TMEM72: variants seen among roughly 807,000 people sequenced by gnomAD.
The protein encoded by TMEM72 is kidney-specific secretory protein of 37 kDa.
A neutral mutation model predicts 16.3 loss-of-function variants in TMEM72; 9 were observed. That is an observed-to-expected ratio of 0.55 (90% confidence interval 0.33 to 0.96). TMEM72 has a LOEUF of 0.96. Among genes scored for constraint, TMEM72 ranks in the 40% least tolerant of loss-of-function variants. The probability of loss-of-function intolerance (pLI) is 0.03; values close to 1 mark genes in which losing one functional copy is unlikely to be tolerated. For synonymous variants in TMEM72, 160 were observed against 146.5 expected (o/e 1.09, Z -0.66); for missense variants, 324 against 337.8 (o/e 0.96, Z 0.32).
At chr10:44,925,508 A>C (rs1236363539) in intron 1 of TMEM72, among the ~76,000 whole-genome samples, 3 of 152,214 alleles carry the variant, frequency 2.0e-5, no homozygotes, top group Non-Finnish European at 2.9e-5. Flanking sequence ...GGCAGGAAGC[A>C]CTTCTTCCCC....
intron 1 of TMEM72, among the ~76,000 whole-genome samples, chr10:44,923,884 G>A (rs1352494566): frequency 1.3e-5 from 2 of 152,184 alleles, no homozygotes; most frequent in African/African-American, 2.4e-5. Flanking sequence ...CTGTGCCACT[G>A]GACAGTAAAG....
At chr10:44,929,912 A>T (rs1213425419) in intron 2 of TMEM72, among the ~76,000 whole-genome samples, 1 of 152,226 alleles carries the variant, frequency 6.6e-6, no homozygotes, top group Non-Finnish European at 1.5e-5. Flanking sequence ...GCTGGCTGGC[A>T]GTGACTTCTC....
At position 44,933,781 on chromosome 10, in the gene TMEM72, GAGCAC is replaced by G; in HGVS notation, c.349+8_349+12del. ...TCTGGCACGTGACCATCCCAGGTAA[GAGCAC>G]AGGGGTAGAGATATGCAGCCCCAGC... On this transcript the variant is annotated splice_donor_region_variant and intron_variant, in intron 4 of 4. Coordinates refer to ENST00000389583, the MANE Select transcript of TMEM72 (RefSeq NM_001123376.3). The G allele has an allele frequency of 1.9e-6, 3 of 1,612,582 alleles. No homozygotes were observed. In the South Asian group the frequency reaches 3.3e-5, roughly 18 times the overall value.
chr10:44,911,638 T>G (rs1484316354), intron 1 of TMEM72, 56 bp downstream of exon 1: 1 of 1,538,050 alleles, frequency 6.5e-7, no homozygotes, highest in Non-Finnish European at 8.8e-7. Flanking sequence ...CAGATAGGGC[T>G]GCCTGAGGGG....
chr10:44,934,538 G>A (rs181113259), intron 4 of TMEM72, 118 bp from the exon 5 acceptor site: 2 of 1,010,274 alleles, frequency 2.0e-6, no homozygotes, highest in East Asian at 2.6e-5. Context: ...GGGCCACAGG[G>A]GCCTGTGAAT....
chr10:44,920,664 C>T (rs994212918), intron 1 of TMEM72, among the ~76,000 whole-genome samples: 3 of 152,140 alleles, frequency 2.0e-5, no homozygotes, highest in Admixed American at 2.0e-4. Context: ...CCTCTCCTTC[C>T]ACTGGAGAAT....
chr10:44,911,662 G>C, intron 1 of TMEM72, 80 bp downstream of exon 1: 3 of 1,479,536 alleles, frequency 2.0e-6, no homozygotes, highest in Non-Finnish European at 1.8e-6. Context: ...GAGGTGGCCA[G>C]GAGACAGCAG....
At chr10:44,918,693 T>C (rs992075742) in intron 1 of TMEM72, among the ~76,000 whole-genome samples, 5 of 152,200 alleles carry the variant, frequency 3.3e-5, no homozygotes, top group African/African-American at 1.2e-4. Context: ...TAACTTACCA[T>C]GTGTTATGGA....
rs150991526 is a variant in TMEM72 at position 44,923,939 on chromosome 10, C to T, written c.71-3982C>T. On this transcript the variant is annotated intron_variant, in intron 1 of 4. Coordinates refer to ENST00000389583, the MANE Select transcript of TMEM72 (RefSeq NM_001123376.3). ...AGGAGCCACAGCCAGAACTGTGCTT[C>T]AAGCCCAAGTCAACAAAGAAACTAG... 1.8e-3 allele frequency among the ~76,000 whole-genome samples: 272 copies of T among 152,360 alleles called. 1 individual carries two copies. The highest frequency in any genetic ancestry group is 5.0e-3 in the African/African-American group (207 of 41,584).
intron 1 of TMEM72, among the ~76,000 whole-genome samples, chr10:44,925,113 A>T (rs1033595384): frequency 6.6e-6 from 1 of 152,250 alleles, no homozygotes; most frequent in African/African-American, 2.4e-5. Context: ...CACAGCTTGG[A>T]TGAGTTAAGT....
chr10:44,927,030 C>T (rs1168484149), intron 1 of TMEM72, among the ~76,000 whole-genome samples: 1 of 152,142 alleles, frequency 6.6e-6, no homozygotes, highest in African/African-American at 2.4e-5. Flanking sequence ...GGGATGACAG[C>T]CCAGCCCACC....
chr10:44,916,259 T>C (rs1359246403), intron 1 of TMEM72, among the ~76,000 whole-genome samples: 6 of 152,144 alleles, frequency 3.9e-5, no homozygotes, highest in African/African-American at 1.4e-4. Flanking sequence ...TTCTCACAAA[T>C]TGAGTGCTTG....
chr10:44,929,104 A>AC (rs1840249151), intron 2 of TMEM72, among the ~76,000 whole-genome samples: 1 of 152,212 alleles, frequency 6.6e-6, no homozygotes, highest in Non-Finnish European at 1.5e-5. Flanking sequence ...AGCCCACATC[A>AC]CCAAGCTCAT....
chr10:44,912,450 C>T (rs2132707064), intron 1 of TMEM72, among the ~76,000 whole-genome samples: 1 of 152,346 alleles, frequency 6.6e-6, no homozygotes, highest in East Asian at 1.9e-4. Context: ...AAGAGAGACA[C>T]ACCCCCTATC....
intron 4 of TMEM72, 96 bp from the exon 5 acceptor site, chr10:44,934,560 G>A (rs1057297924): frequency 1.0e-5 from 13 of 1,260,728 alleles, no homozygotes; most frequent in Admixed American, 9.7e-5. Flanking sequence ...GCCACACAGC[G>A]CCGGGTTGCA....
chr10:44,931,828 C>T (rs1027195866), intron 2 of TMEM72, 170 bp from the exon 3 acceptor site: 24 of 690,080 alleles, frequency 3.5e-5, no homozygotes, highest in Middle Eastern at 2.5e-4. Context: ...TGGCCCAGTC[C>T]GGAACACGCC....
rs768469835 is a variant in TMEM72 at position 44,931,337 on chromosome 10, G to A, written c.138-661G>A. 2.6e-4 allele frequency among the ~76,000 whole-genome samples: 39 copies of A among 152,362 alleles called. 1 individual carries two copies. In the Middle Eastern group the frequency reaches 0.02, roughly 80 times the overall value. On this transcript the variant is annotated intron_variant, in intron 2 of 4. Transcript: ENST00000389583. ...GAATTCTACACATTCCTCAGGAGAT[G>A]CTGATTGCAGGATCCATGGACCACA...
chr10:44,920,606 C>A (rs555126757), intron 1 of TMEM72, among the ~76,000 whole-genome samples: 2 of 152,000 alleles, frequency 1.3e-5, no homozygotes, highest in Non-Finnish European at 2.9e-5. Context: ...TTTTTGGCCA[C>A]AAAAAAACCC....
intron 1 of TMEM72, among the ~76,000 whole-genome samples, chr10:44,925,373 C>T (rs992266954): frequency 4.6e-5 from 7 of 152,236 alleles, no homozygotes; most frequent in East Asian, 1.9e-4. Flanking sequence ...ATCTGCTGGT[C>T]GTCTGCCACA....
Sources: allele counts gnomAD v4.1 joint callset (sites outside exome capture counted in the v4.1 genomes callset), GRCh38; gene constraint gnomAD v4.1.1; transcripts MANE v1.5; gene names NCBI Gene and HGNC (gene_info 2026-07-23, HGNC 2026-07-21).